AXDND1: variants seen among roughly 807,000 people sequenced by gnomAD.
The protein encoded by AXDND1 is axonemal dynein light chain domain-containing protein 1.
In AXDND1, 110 loss-of-function variants were observed where a neutral mutation model predicts 137.5. That is an observed-to-expected ratio of 0.80 (90% confidence interval 0.69 to 0.94). The LOEUF (loss-of-function observed/expected upper bound fraction) is 0.94. AXDND1 is among the 40% of genes least tolerant of loss of function. The pLI, the probability that AXDND1 is intolerant of heterozygous loss-of-function variation, is 0.00. For synonymous variants in AXDND1, 414 were observed against 399.7 expected (o/e 1.04, Z -0.43); for missense variants, 1,191 against 1,169.8 (o/e 1.02, Z -0.26).
chr1:179,421,209 G>A (rs1162125070), intron 12 of AXDND1, among the ~76,000 whole-genome samples: 3 of 151,796 alleles, frequency 2.0e-5, no homozygotes, highest in Non-Finnish European at 4.4e-5. Flanking sequence ...ATGCTGGTTT[G>A]TTTACTATGG....
intron 25 of AXDND1, chr1:179,552,285 G>A (rs1338430280): frequency 4.8e-6 from 2 of 418,194 alleles, no homozygotes; most frequent in Admixed American, 3.6e-5. Context: ...GGGTGACTAC[G>A]ATTACCCAGG....
chr1:179,411,162 C>T lies in AXDND1; in HGVS notation c.1126C>T (p.His376Tyr). The change falls in exon 12 of 26, where the codon CAT becomes TAT. Residue 376 changes from histidine (H) to tyrosine (Y), a missense_variant. Transcript: ENST00000367618. ...EKNAKIVEEY[H>Y]DLYTLQRERM... ...TTTTTATAGAATAGTAGAAGAATAT[C>T]ATGACTTATATACATTACAAAGAGA... 1 of 1,581,486 alleles carries T rather than the reference C, an allele frequency of 6.3e-7. No individual in the cohort carries two copies. The highest frequency in any genetic ancestry group is 1.2e-5 in the South Asian group (1 of 84,916).
intron 15 of AXDND1, among the ~76,000 whole-genome samples, chr1:179,433,579 G>A (rs1571817247): frequency 6.6e-6 from 1 of 152,166 alleles, no homozygotes; most frequent in East Asian, 1.9e-4. Context: ...GTTCTCATTG[G>A]TTTCAAAGAA....
intron 20 of AXDND1, among the ~76,000 whole-genome samples, chr1:179,502,439 C>T (rs4491029): frequency 0.72 from 109,009 of 151,450 alleles, 40,358 homozygotes; most frequent in South Asian, 0.84. Flanking sequence ...TGGCACGCAC[C>T]GGCAGTCCCA....
chr1:179,412,267 A>G (rs757336853), intron 12 of AXDND1, among the ~76,000 whole-genome samples: 1 of 152,182 alleles, frequency 6.6e-6, no homozygotes, highest in Non-Finnish European at 1.5e-5. Flanking sequence ...AATATTCTAT[A>G]TTTCTAAAAT....
At chr1:179,474,888 C>T (rs72721224) in intron 17 of AXDND1, among the ~76,000 whole-genome samples, 14,094 of 152,250 alleles carry the variant, frequency 0.093, 920 homozygotes, top group African/African-American at 0.17. Flanking sequence ...GGCCTGGAGG[C>T]CTAGGAGGTA....
chr1:179,482,384 G>T (rs1665526104), intron 17 of AXDND1, among the ~76,000 whole-genome samples: 1 of 152,074 alleles, frequency 6.6e-6, no homozygotes, highest in Non-Finnish European at 1.5e-5. Flanking sequence ...TAGGGGCTGG[G>T]TGGAAAAAGA....
chr1:179,472,305 G>C (rs1048174911), intron 17 of AXDND1, among the ~76,000 whole-genome samples: 2 of 152,142 alleles, frequency 1.3e-5, no homozygotes, highest in Non-Finnish European at 2.9e-5. Flanking sequence ...ATATTTGTGA[G>C]TTTCCCATTT....
At chr1:179,511,103 G>C (rs576410854) in intron 21 of AXDND1, among the ~76,000 whole-genome samples, 1 of 151,668 alleles carries the variant, frequency 6.6e-6, no homozygotes, top group Non-Finnish European at 1.5e-5. Flanking sequence ...GGAGGTGGAG[G>C]CTGCAGTGAG....
At chr1:179,403,696 C>T (rs1195419061) in intron 11 of AXDND1, among the ~76,000 whole-genome samples, 3 of 152,178 alleles carry the variant, frequency 2.0e-5, no homozygotes, top group Admixed American at 6.5e-5. Flanking sequence ...GCCTCAGCCT[C>T]CTGAATAGCT....
chr1:179,470,023 A>G (rs1663724972), intron 17 of AXDND1, among the ~76,000 whole-genome samples: 1 of 152,084 alleles, frequency 6.6e-6, no homozygotes, highest in African/African-American at 2.4e-5. Flanking sequence ...TAAGGGTCCA[A>G]TTTCATTCTT....
intron 11 of AXDND1, among the ~76,000 whole-genome samples, chr1:179,399,099 T>G (rs1651539942): frequency 6.6e-6 from 1 of 152,194 alleles, no homozygotes. Flanking sequence ...TGTACTCACA[T>G]GTATATGTAT....
intron 11 of AXDND1, among the ~76,000 whole-genome samples, chr1:179,401,217 C>T (rs186600376): frequency 2.0e-4 from 26 of 130,552 alleles, no homozygotes; most frequent in Non-Finnish European, 3.6e-4. Flanking sequence ...GAGGTTGTGC[C>T]ATTGTGCTTC....
rs1297873388 is a variant in AXDND1, at chr1:179,468,507, C to T, written c.1863C>T (p.Asn621=). 3.1e-6 allele frequency: 5 copies of T among 1,612,916 alleles called. No individual in the cohort carries two copies. The highest frequency in any genetic ancestry group is 1.7e-5 in the Admixed American group (1 of 59,960). Residue 621 remains asparagine (N), a synonymous_variant, in exon 17 of 26, where the codon AAC becomes AAT. Coordinates refer to ENST00000367618, the MANE Select transcript of AXDND1 (RefSeq NM_144696.6). ...ACTTCTGTTCTTTCAAGTTGGAAAA[C>T]CTGGAGTTTCCTGATACGCCTCTTG... is the stretch of plus-strand genomic sequence containing the variant. ...SLDFCSFKLE[N]LEFPDTPLEE...
At chr1:179,436,841 C>T (rs1658223689) in intron 15 of AXDND1, among the ~76,000 whole-genome samples, 1 of 151,752 alleles carries the variant, frequency 6.6e-6, no homozygotes, top group African/African-American at 2.4e-5. Flanking sequence ...CACATGTATC[C>T]CCAAACTTAG....
intron 8 of AXDND1, among the ~76,000 whole-genome samples, chr1:179,384,246 C>G (rs1648841266): frequency 6.6e-6 from 1 of 152,198 alleles, no homozygotes. Context: ...CTTTCTCATT[C>G]TCTCTCCTTC....
chr1:179,417,872 C>CT (rs887505798), intron 12 of AXDND1, among the ~76,000 whole-genome samples: 4 of 150,788 alleles, frequency 2.7e-5, no homozygotes, highest in Non-Finnish European at 5.9e-5. Context: ...TTTTTTATGT[C>CT]TTTTTTTTAA....
chr1:179,504,569 G>A (rs16854186), intron 20 of AXDND1, among the ~76,000 whole-genome samples: 13,923 of 152,246 alleles, frequency 0.091, 718 homozygotes, highest in Non-Finnish European at 0.098. Flanking sequence ...ACACTATCAT[G>A]AGGAGCCCTT....
At chr1:179,538,841 G>A (rs1269584982) in intron 25 of AXDND1, among the ~76,000 whole-genome samples, 3 of 152,086 alleles carry the variant, frequency 2.0e-5, no homozygotes, top group Non-Finnish European at 2.9e-5. Context: ...CTCTTTGTAG[G>A]TCTCTAAAAA....
Sources: gnomAD v4.1 joint callset for allele counts (sites outside exome capture counted in the v4.1 genomes callset) on GRCh38, gnomAD v4.1.1 for gene constraint, MANE v1.5 for transcripts, NCBI Gene and HGNC (gene_info 2026-07-23, HGNC 2026-07-21) for gene names.